The following F13A1 variants were observed in gnomAD, a reference collection of about 807,000 sequenced individuals.
F13A1 encodes FSF, A subunit.
In F13A1, 47 loss-of-function variants were observed where a neutral mutation model predicts 80.1. The observed-to-expected ratio is 0.59, with a 90% CI of 0.46 to 0.75. F13A1 has a LOEUF of 0.75. Among genes scored for constraint, F13A1 ranks in the 30% least tolerant of loss-of-function variants. The probability of loss-of-function intolerance (pLI) is 0.00; values close to 1 mark genes in which losing one functional copy is unlikely to be tolerated. For synonymous variants in F13A1, 349 were observed against 344.9 expected, an observed-to-expected ratio of 1.01 and a Z score of -0.13; for missense variants, 817 against 930.4, an observed-to-expected ratio of 0.88 and a Z score of 1.59.
chr6:6,241,019 C>T (rs550117626), intron 6 of F13A1, among the ~76,000 whole-genome samples: 3 of 152,224 alleles, frequency 2.0e-5, no homozygotes, highest in South Asian at 4.2e-4. Context: ...GTTGTCACCC[C>T]GAGAGCTCCT....
rs116542526 is a variant in F13A1 at position 6,183,710 on chromosome 6, G to A, written c.1306-1569C>T. On this transcript the variant is annotated intron_variant, in intron 10 of 14. Coordinates refer to ENST00000264870, the MANE Select transcript of F13A1 (RefSeq NM_000129.4). Reference sequence around the variant, plus strand: ...AGTGGAGTCAAGGGTTGGCTAGAAAGTAACAGCCAAGGTGAAACCTAGATG... The same window carrying A: ...AGTGGAGTCAAGGGTTGGCTAGAAAATAACAGCCAAGGTGAAACCTAGATG... 5.0e-3 allele frequency among the ~76,000 whole-genome samples: 763 copies of A among 152,300 alleles called. 10 individuals are homozygous for A. The highest frequency in any genetic ancestry group is 0.017 in the African/African-American group (716 of 41,572).
At position 6,296,270 on chromosome 6, in the gene F13A1, C is replaced by A. The variant is rs532783214; in HGVS notation, c.319+9081G>T. Among the ~76,000 whole-genome samples, 293 of 151,766 alleles carry A rather than the reference C, an allele frequency of 1.9e-3. 2 individuals carry two copies. The highest frequency in any genetic ancestry group is 6.7e-3 in the African/African-American group (276 of 41,220). The stretch of plus-strand genomic sequence containing the variant: ...ATGTGAACTTTAAAGTAGTTTTTTC[C>A]AATTCTGTGAAGAAAGTCACTGGTA... On this transcript the variant is annotated intron_variant, in intron 3 of 14. Transcript: ENST00000264870.
chr6:6,189,608 G>A (rs1761143748), intron 10 of F13A1, among the ~76,000 whole-genome samples: 1 of 142,262 alleles, frequency 7.0e-6, no homozygotes, highest in African/African-American at 2.5e-5. Context: ...TAGTCTGATG[G>A]GCTTCCCTTT....
chr6:6,307,579 A>G (rs1007026796), intron 2 of F13A1, among the ~76,000 whole-genome samples: 1 of 152,270 alleles, frequency 6.6e-6, no homozygotes, highest in East Asian at 1.9e-4. Flanking sequence ...GCTAAACACC[A>G]AAGTCCTTAG....
At position 6,224,607 on chromosome 6, in the gene F13A1, C is replaced by A; in HGVS notation, c.973+79G>T. 6 of 1,380,666 alleles carry A rather than the reference C, an allele frequency of 4.3e-6. No homozygotes were observed. In the South Asian group the frequency reaches 4.8e-5, roughly 11 times the overall value. The allele number at this position is 1,380,666 out of a possible 1,614,324, so 85.5% of individuals were successfully genotyped here. The stretch of plus-strand genomic sequence containing the variant: ...AGTGTCAACAGGGGCTGCTATGTCT[C>A]TTTGTTAGGTTATAGAAAAAATGTC... On this transcript the variant is annotated intron_variant, in intron 7 of 14. Transcript: ENST00000264870.
intron 3 of F13A1, among the ~76,000 whole-genome samples, chr6:6,296,577 G>C (rs1484573031): frequency 2.0e-5 from 3 of 150,770 alleles, no homozygotes; most frequent in Admixed American, 1.3e-4. Flanking sequence ...GAATGCTTGT[G>C]ATTTTTGTAC....
rs1264294880 is a variant in F13A1, at chr6:6,214,822, A to G, written c.1112+7211T>C. Among the ~76,000 whole-genome samples the G allele has an allele frequency of 1.3e-4, 7 of 54,666 alleles. No homozygotes were observed. In the East Asian group the frequency reaches 2.5e-3, roughly 19 times the overall value. 35.9% of individuals were successfully genotyped at this position (54,666 alleles called of 152,430 possible). A position where few individuals can be genotyped will look rare whatever the true frequency, so the allele number is the denominator to read the frequency against. On this transcript the variant is annotated intron_variant, in intron 8 of 14. Transcript: ENST00000264870. ...AAAAAAAGAGAGAAGAATCAAATAG[A>G]CGCAATAAAAAATGATAAAGGGGAT...
chr6:6,281,784 G>T (rs1293801737), intron 3 of F13A1, among the ~76,000 whole-genome samples: 3 of 151,952 alleles, frequency 2.0e-5, no homozygotes, highest in African/African-American at 7.3e-5. Context: ...ACGAGGTCAG[G>T]AGATCGAGAC....
intron 13 of F13A1, among the ~76,000 whole-genome samples, chr6:6,163,490 G>A (rs974129048): frequency 2.0e-5 from 3 of 151,936 alleles, no homozygotes; most frequent in Admixed American, 6.6e-5. Flanking sequence ...CTCCCACGCC[G>A]CACCCTGCAC....
chr6:6,318,494 G>A (rs2113206865), intron 2 of F13A1, 41 bp downstream of exon 2: 2 of 1,594,508 alleles, frequency 1.3e-6, no homozygotes, highest in East Asian at 2.2e-5. Flanking sequence ...GCCCGGCTGT[G>A]CCTGGACCCA....
At position 6,224,686 on chromosome 6, in the gene F13A1, A is replaced by C; in HGVS notation, c.973T>G (p.Phe325Val). The C allele has an allele frequency of 6.2e-7, 1 of 1,613,688 alleles. No homozygotes were observed. The stretch of plus-strand genomic sequence containing the variant: ...AGAAATTACTCAGTTGGATACTTAC[A>C]TGTGTTAAAGACACCAGCAAAAACC... ...CWVFAGVFNT[F>V]LRCLGIPARI... The change falls in exon 7 of 15, where the codon TTT (phenylalanine) becomes GTT (valine). Residue 325 changes from phenylalanine to valine, a missense_variant and splice_region_variant. Physicochemically the swap from Phe to Val is conservative, Grantham distance 50. Transcript: ENST00000264870.
intron 6 of F13A1, among the ~76,000 whole-genome samples, chr6:6,225,538 C>A (rs1757264998): frequency 6.6e-6 from 1 of 151,870 alleles, no homozygotes; most frequent in South Asian, 2.1e-4. Context: ...GATAAGGTCT[C>A]GATCTGTCAC....
chr6:6,157,303 A>G (rs2151069917), intron 13 of F13A1, among the ~76,000 whole-genome samples: 1 of 152,330 alleles, frequency 6.6e-6, no homozygotes, highest in Middle Eastern at 3.4e-3. Context: ...TTTAGAAGAT[A>G]AATAAAAAGC....
chr6:6,312,148 A>G (rs940855355), intron 2 of F13A1, among the ~76,000 whole-genome samples: 2 of 151,536 alleles, frequency 1.3e-5, no homozygotes, highest in African/African-American at 4.8e-5. Flanking sequence ...GACAGCTGAT[A>G]GTATCAATTG....
At chr6:6,184,680 A>G (rs1190700959) in intron 10 of F13A1, among the ~76,000 whole-genome samples, 2 of 152,178 alleles carry the variant, frequency 1.3e-5, no homozygotes, top group African/African-American at 4.8e-5. Flanking sequence ...CTTAATAACA[A>G]TCCTTATAAC....
At chr6:6,313,479 C>A (rs1240987985) in intron 2 of F13A1, among the ~76,000 whole-genome samples, 3 of 151,982 alleles carry the variant, frequency 2.0e-5, no homozygotes, top group Non-Finnish European at 4.4e-5. Context: ...CTAATATGAA[C>A]AAAATGTAAA....
In F13A1 at chr6:6,243,721, C is replaced by T. The variant is rs569823636; in HGVS notation, c.798+4591G>A. On this transcript the variant is annotated intron_variant, in intron 6 of 14. Coordinates refer to ENST00000264870, the MANE Select transcript of F13A1 (RefSeq NM_000129.4). This position sits in a 1 kb window ranked among gnomAD's most constrained non-coding sequence, Gnocchi z 4.2. ...GGGACACCACTTCCAAGGGCTTCTG[C>T]TTCCTCACCCAGAAGACTCTTGGAG... Among the ~76,000 whole-genome samples the T allele has an allele frequency of 4.6e-5, 7 of 152,292 alleles. No homozygotes were observed. The highest frequency in any genetic ancestry group is 1.7e-4 in the African/African-American group (7 of 41,574).
intron 9 of F13A1, among the ~76,000 whole-genome samples, chr6:6,196,168 T>A (rs1244659766): frequency 6.6e-6 from 1 of 152,260 alleles, no homozygotes; most frequent in African/African-American, 2.4e-5. Flanking sequence ...GCAGGTGGCT[T>A]ACACAGCATT....
At chr6:6,191,798 C>T (rs1178896882) in intron 10 of F13A1, among the ~76,000 whole-genome samples, 1 of 152,334 alleles carries the variant, frequency 6.6e-6, no homozygotes, top group Admixed American at 6.5e-5. Flanking sequence ...TGAATGCCTT[C>T]CTGGCACTGG....
Sources: allele counts gnomAD v4.1 joint callset (sites outside exome capture counted in the v4.1 genomes callset), GRCh38; gene constraint gnomAD v4.1.1; non-coding constraint Gnocchi (gnomAD v3.1); transcripts MANE v1.5; gene names NCBI Gene and HGNC (gene_info 2026-07-23, HGNC 2026-07-21).